HTR1F: variants seen among roughly 807,000 people sequenced by gnomAD.
HTR1F encodes 5-hydroxytryptamine receptor 1F, also known as 5-hydroxytryptamine (serotonin) receptor 1F, G protein-coupled.
Under a neutral mutation model 24.0 loss-of-function variants are expected in HTR1F, and 17 were observed. The ratio of observed to expected loss-of-function variants is 0.71; its 90% CI spans 0.48 to 1.06. The LOEUF (loss-of-function observed/expected upper bound fraction) is 1.06, where lower values mean the gene tolerates loss of function less well. Ranked by LOEUF, HTR1F falls within the 50% of genes least tolerant of loss-of-function variation. HTR1F has a pLI of 0.00. For synonymous variants in HTR1F, 186 were observed against 156.8 expected, an observed-to-expected ratio of 1.19 and a Z score of -1.39; for missense variants, 391 against 427.8, an observed-to-expected ratio of 0.91 and a Z score of 0.76.
At chr3:87,818,015 AAG>A (rs1704282863) in intron 1 of HTR1F, among the ~76,000 whole-genome samples, 1 of 152,230 alleles carries the variant, frequency 6.6e-6, no homozygotes, top group South Asian at 2.1e-4. Context: ...AATAAAAATA[AAG>A]AGTTATTGTA....
intron 2 of HTR1F, among the ~76,000 whole-genome samples, chr3:87,908,527 T>C (rs1300909696): frequency 6.6e-6 from 1 of 152,046 alleles, no homozygotes. Flanking sequence ...CCAAGAACTA[T>C]CTGGTAACGT....
At chr3:87,928,819 A>G (rs1423418634) in intron 2 of HTR1F, among the ~76,000 whole-genome samples, 2 of 152,196 alleles carry the variant, frequency 1.3e-5, no homozygotes, top group African/African-American at 4.8e-5. Context: ...TTAAAGAGAG[A>G]AAAAGAAATA....
intron 2 of HTR1F, among the ~76,000 whole-genome samples, chr3:87,864,094 C>G (rs1175477741): frequency 6.6e-6 from 1 of 152,114 alleles, no homozygotes; most frequent in African/African-American, 2.4e-5. Context: ...ATTTAAAGAC[C>G]CTTATGATTA....
intron 2 of HTR1F, among the ~76,000 whole-genome samples, chr3:87,984,582 C>T (rs951126200): frequency 1.3e-4 from 20 of 152,162 alleles, no homozygotes; most frequent in African/African-American, 4.8e-4. Context: ...CCTCTCTCAG[C>T]TTCCCAAGTA....
intron 1 of HTR1F, among the ~76,000 whole-genome samples, chr3:87,800,217 A>G (rs562836841): frequency 2.8e-4 from 42 of 152,222 alleles, no homozygotes; most frequent in African/African-American, 9.6e-4. Flanking sequence ...CATTCTGGGA[A>G]CAAGCCAAGC....
At chr3:87,895,322 G>A (rs1175731341) in intron 2 of HTR1F, among the ~76,000 whole-genome samples, 2 of 151,938 alleles carry the variant, frequency 1.3e-5, no homozygotes, top group Non-Finnish European at 2.9e-5. Flanking sequence ...CAATAAAAAT[G>A]GACAAAGGAC....
chr3:87,848,030 C>A (rs754300391), intron 2 of HTR1F, among the ~76,000 whole-genome samples: 1 of 151,852 alleles, frequency 6.6e-6, no homozygotes, highest in African/African-American at 2.4e-5. Context: ...ATAATCAATA[C>A]CTAGCAGTGA....
At chr3:87,964,416 G>C (rs1705122636) in intron 2 of HTR1F, among the ~76,000 whole-genome samples, 1 of 152,026 alleles carries the variant, frequency 6.6e-6, no homozygotes, top group African/African-American at 2.4e-5. Flanking sequence ...ACGTAGTTTG[G>C]AGTAATCGCT....
At chr3:87,876,643 A>G (rs964279581) in intron 2 of HTR1F, among the ~76,000 whole-genome samples, 2 of 152,202 alleles carry the variant, frequency 1.3e-5, no homozygotes, top group African/African-American at 4.8e-5. Context: ...TCAAACTCTC[A>G]GAAACTAAAA....
At chr3:87,967,211 A>T (rs890138718) in intron 2 of HTR1F, among the ~76,000 whole-genome samples, 1 of 152,180 alleles carries the variant, frequency 6.6e-6, no homozygotes, top group African/African-American at 2.4e-5. Flanking sequence ...GCACTTTGGG[A>T]GGCCAAGGTG....
chr3:87,882,343 C>A (rs1275463721), intron 2 of HTR1F, among the ~76,000 whole-genome samples: 2 of 152,130 alleles, frequency 1.3e-5, no homozygotes, highest in African/African-American at 2.4e-5. Context: ...TTGACCCAGC[C>A]ATCCCATTAC....
At chr3:87,914,347 G>A (rs1431787235) in intron 2 of HTR1F, among the ~76,000 whole-genome samples, 1 of 152,122 alleles carries the variant, frequency 6.6e-6, no homozygotes, top group Non-Finnish European at 1.5e-5. Flanking sequence ...AAGCCTCCTG[G>A]CCAGAACTCG....
chr3:87,860,031 T>G (rs1705282884), intron 2 of HTR1F, among the ~76,000 whole-genome samples: 1 of 152,156 alleles, frequency 6.6e-6, no homozygotes, highest in Non-Finnish European at 1.5e-5. Context: ...TCACTACAAA[T>G]GTAAAGTGGC....
chr3:87,880,331 T>A (rs529793326), intron 2 of HTR1F, among the ~76,000 whole-genome samples: 5 of 152,254 alleles, frequency 3.3e-5, no homozygotes, highest in African/African-American at 1.2e-4. Context: ...ATAGATTACA[T>A]CTCAATAAAA....
chr3:87,881,245 A>G (rs1206435919), intron 2 of HTR1F, among the ~76,000 whole-genome samples: 1 of 151,904 alleles, frequency 6.6e-6, no homozygotes, highest in East Asian at 1.9e-4. Context: ...AGCTTTTCCA[A>G]TGGTCTTAGC....
chr3:87,792,850 T>C lies in HTR1F; in HGVS notation c.-160+8T>C, dbSNP rs1703837608. 6.6e-6 allele frequency among the ~76,000 whole-genome samples: 1 copy of C among 152,030 alleles called. No individual in the cohort carries two copies. On this transcript the variant is annotated splice_region_variant and intron_variant, in intron 1 of 2. Coordinates refer to ENST00000319595, the MANE Select transcript of HTR1F (RefSeq NM_001322209.2). Reference sequence around the variant, plus strand: ...CTGCAGGGAGCGCCAGGGGTGAGTGTGCGGATCAGCGCTGAGCCCGGGAGT... The same window carrying C: ...CTGCAGGGAGCGCCAGGGGTGAGTGCGCGGATCAGCGCTGAGCCCGGGAGT...
At chr3:87,961,667 C>T (rs1483206211) in intron 2 of HTR1F, among the ~76,000 whole-genome samples, 1 of 151,764 alleles carries the variant, frequency 6.6e-6, no homozygotes, top group Non-Finnish European at 1.5e-5. Flanking sequence ...CATGTGAACA[C>T]AGTATCTAAT....
chr3:87,897,338 G>T (rs1706222226), intron 2 of HTR1F, among the ~76,000 whole-genome samples: 1 of 151,062 alleles, frequency 6.6e-6, no homozygotes, highest in South Asian at 2.1e-4. Context: ...AAATAAGCCA[G>T]ACACACAAAA....
chr3:87,804,741 T>C (rs557503553), intron 1 of HTR1F, among the ~76,000 whole-genome samples: 4 of 152,240 alleles, frequency 2.6e-5, no homozygotes, highest in South Asian at 4.1e-4. Context: ...ACTTGTTTCA[T>C]AGAAATTATT....
Sources: allele counts gnomAD v4.1 joint callset (sites outside exome capture counted in the v4.1 genomes callset), GRCh38; gene constraint gnomAD v4.1.1; transcripts MANE v1.5; gene names NCBI Gene and HGNC (gene_info 2026-07-23, HGNC 2026-07-21).